Variants in RAB27A observed in about 807,000 individuals in gnomAD.
RAB27A encodes the protein RAB27A, member RAS oncogene family, also known as ras-related protein Rab-27A.
Under a neutral mutation model 20.8 loss-of-function variants are expected in RAB27A, and 17 were observed. That is an observed-to-expected ratio of 0.82 (90% CI 0.56 to 1.23). The LOEUF is 1.23. RAB27A is among the 50% of genes most tolerant of loss of function. The pLI is 0.00. For synonymous variants in RAB27A, 85 were observed against 92.8 expected (o/e 0.92, Z 0.48); for missense variants, 277 against 266.7 (o/e 1.04, Z -0.27).
intron 1 of RAB27A, among the ~76,000 whole-genome samples, chr15:55,274,638 C>A (rs1001412891): frequency 6.6e-6 from 1 of 150,734 alleles, no homozygotes; most frequent in Admixed American, 6.6e-5. Flanking sequence ...ATTAGCCAGG[C>A]GTGGTGGCAG....
chr15:55,212,615 C>T (rs371620887), intron 6 of RAB27A, among the ~76,000 whole-genome samples: 3 of 150,720 alleles, frequency 2.0e-5, no homozygotes, highest in African/African-American at 7.4e-5. Context: ...CTGCAAGCTC[C>T]GCCTCCCGGG....
intron 1 of RAB27A, among the ~76,000 whole-genome samples, chr15:55,275,663 G>GA (rs35544623): frequency 1.3e-5 from 2 of 150,376 alleles, no homozygotes; most frequent in South Asian, 2.1e-4. Flanking sequence ...CTATAGAAGG[G>GA]AAAAAAAGGT....
chr15:55,311,964 G>A (rs2055022628), intron 2 of RAB27A, among the ~76,000 whole-genome samples: 1 of 152,176 alleles, frequency 6.6e-6, no homozygotes, highest in African/African-American at 2.4e-5. Flanking sequence ...CTGACCTGGG[G>A]TTCTTGGCCT....
At chr15:55,276,974 T>TA (rs1370494651) in intron 1 of RAB27A, among the ~76,000 whole-genome samples, 1 of 152,208 alleles carries the variant, frequency 6.6e-6, no homozygotes. Flanking sequence ...ACAGACTTTT[T>TA]ATCTGTCAAT....
intron 2 of RAB27A, among the ~76,000 whole-genome samples, chr15:55,307,615 T>C (rs1164817125): frequency 1.4e-4 from 22 of 151,892 alleles, no homozygotes. Flanking sequence ...AACTAGTGCC[T>C]TTATTACCTC....
intron 2 of RAB27A, among the ~76,000 whole-genome samples, chr15:55,265,207 C>T (rs943816789): frequency 1.3e-5 from 2 of 152,136 alleles, no homozygotes; most frequent in Non-Finnish European, 2.9e-5. Flanking sequence ...GCACATTGCA[C>T]TCCAGCCTGG....
chr15:55,244,506 G>A (rs967185528), intron 2 of RAB27A, among the ~76,000 whole-genome samples: 1 of 152,050 alleles, frequency 6.6e-6, no homozygotes, highest in East Asian at 1.9e-4. Context: ...GGGGGGAGAT[G>A]ACGTCTCCCT....
In RAB27A at chr15:55,281,901, T is replaced by A. The variant is rs977206862; in HGVS notation, c.-143+7815A>T. On this transcript the variant is annotated intron_variant, in intron 1 of 6. Transcript: ENST00000336787. ...TATGAATTGAATTCCTTTAATTTTTTAAAATTTTGTCTCATGCTCCTCAAG... is the reference window on the plus strand; with the variant it reads ...TATGAATTGAATTCCTTTAATTTTTAAAAATTTTGTCTCATGCTCCTCAAG... Among the ~76,000 whole-genome samples the A allele has an allele frequency of 3.3e-5, 5 of 152,214 alleles. 1 individual carries two copies. Among genetic ancestry groups the A allele is most frequent in the African/African-American group, 1.2e-4 (5 of 41,442 alleles).
intron 2 of RAB27A, chr15:55,269,832 C>T (rs1266840184): frequency 6.6e-6 from 1 of 152,164 alleles, no homozygotes; most frequent in Non-Finnish European, 1.5e-5. Flanking sequence ...AAACAACCCT[C>T]AGAGGATAAG....
chr15:55,221,702 G>A (rs1895579268), intron 6 of RAB27A, among the ~76,000 whole-genome samples: 1 of 152,084 alleles, frequency 6.6e-6, no homozygotes, highest in Non-Finnish European at 1.5e-5. Flanking sequence ...GCAATTTTGG[G>A]GGTAGGAAGT....
At chr15:55,214,924 T>C (rs746274815) in intron 6 of RAB27A, among the ~76,000 whole-genome samples, 8 of 152,206 alleles carry the variant, frequency 5.3e-5, no homozygotes, top group Non-Finnish European at 8.8e-5. Context: ...TACATTTTCT[T>C]CATTATGATC....
At chr15:55,229,288 G>A (rs1374395761) in intron 4 of RAB27A, among the ~76,000 whole-genome samples, 1 of 151,532 alleles carries the variant, frequency 6.6e-6, no homozygotes, top group Non-Finnish European at 1.5e-5. Context: ...GTAACTGACA[G>A]GCAGGCTCCA....
intron 1 of RAB27A, among the ~76,000 whole-genome samples, chr15:55,271,245 G>A (rs187827997): frequency 3.4e-4 from 52 of 152,184 alleles, no homozygotes; most frequent in African/African-American, 1.1e-3. Flanking sequence ...CAGTATCACC[G>A]CCTCCTTCCT....
At chr15:55,239,076 T>C (rs995596159) in intron 2 of RAB27A, among the ~76,000 whole-genome samples, 13 of 152,336 alleles carry the variant, frequency 8.5e-5, no homozygotes, top group Admixed American at 5.9e-4. Context: ...GGCTCTGACT[T>C]GGACATGCAG....
rs773938229 is a variant in RAB27A, at chr15:55,234,971, CA to C, written c.-22-16del. 53 of 1,574,440 alleles carry C rather than the reference CA, an allele frequency of 3.4e-5. No individual in the cohort carries two copies. The Middle Eastern group carries it at 5.1e-4, about 15-fold the overall frequency. ...CAGTAGTTCACCTGTAAAATACACA[CA>C]AAATTTTTTAATTAAAATCCATTAG... On this transcript the variant is annotated splice_polypyrimidine_tract_variant and intron_variant, in intron 2 of 6. Coordinates refer to ENST00000336787, the MANE Select transcript of RAB27A (RefSeq NM_183235.3).
At chr15:55,279,815 G>A (rs914586734) in intron 1 of RAB27A, among the ~76,000 whole-genome samples, 1 of 152,174 alleles carries the variant, frequency 6.6e-6, no homozygotes, top group East Asian at 1.9e-4. Flanking sequence ...AGATGGCCAG[G>A]AAAGTTAAGG....
chr15:55,233,045 A>C (rs1017826616), intron 3 of RAB27A, among the ~76,000 whole-genome samples: 4 of 152,150 alleles, frequency 2.6e-5, no homozygotes, highest in African/African-American at 9.7e-5. Flanking sequence ...GAATCACTTG[A>C]ACCTGGGAGA....
intron 2 of RAB27A, among the ~76,000 whole-genome samples, chr15:55,237,650 G>A (rs912029449): frequency 5.9e-5 from 9 of 152,072 alleles, no homozygotes; most frequent in Non-Finnish European, 1.2e-4. Flanking sequence ...TAAGTTATTG[G>A]AAATAAGAGC....
At chr15:55,309,164 GGTCT>G (rs766753043) in intron 2 of RAB27A, among the ~76,000 whole-genome samples, 20 of 152,222 alleles carry the variant, frequency 1.3e-4, no homozygotes, top group East Asian at 3.9e-4. Flanking sequence ...TGTATACAAT[GGTCT>G]GTCTATTTCA....
Sources: gnomAD v4.1 joint callset for allele counts (sites outside exome capture counted in the v4.1 genomes callset) on GRCh38, gnomAD v4.1.1 for gene constraint, MANE v1.5 for transcripts, NCBI Gene and HGNC (gene_info 2026-07-23, HGNC 2026-07-21) for gene names.